The following HSPG2 variants were observed in gnomAD, a reference collection of about 807,000 sequenced individuals.
The protein encoded by HSPG2 is basement membrane-specific heparan sulfate proteoglycan core protein.
HSPG2 carries 278 observed loss-of-function variants against 526.6 expected under a neutral mutation model. The observed-to-expected ratio is 0.53, with a 90% CI of 0.48 to 0.58. The LOEUF (loss-of-function observed/expected upper bound fraction) is 0.58, where lower values mean the gene tolerates loss of function less well. HSPG2 is among the 20% of genes least tolerant of loss of function. The pLI is 0.00. For missense variants in HSPG2, 5,354 were observed against 6,099.5 expected, an observed-to-expected ratio of 0.88 and a Z score of 4.07; for synonymous variants, 2,465 against 2,555.4, an observed-to-expected ratio of 0.96 and a Z score of 1.07.
chr1:21,828,132 C>G lies in HSPG2; in HGVS notation c.12430G>C (p.Glu4144Gln), dbSNP rs1340918820. Residue 4144 changes from glutamate to glutamine, a missense_variant, in exon 90 of 97, where the codon GAG becomes CAG. Glu to Gln is a conservative substitution (Grantham distance 29). Coordinates refer to ENST00000374695, the MANE Select transcript of HSPG2 (RefSeq NM_005529.7). The surrounding 1 kb of genome is among the most constrained non-coding windows in gnomAD (Gnocchi z 6.0). ...GFKGDLCEHE[E>Q]NPCQLREPCL... ...GGTTCACGGAGCTGGCAGGGGTTCTCCTCGTGCTCACACAGGTCTCCTGTG... is the reference window on the plus strand; with the variant it reads ...GGTTCACGGAGCTGGCAGGGGTTCTGCTCGTGCTCACACAGGTCTCCTGTG... The G allele has an allele frequency of 6.2e-7, 1 of 1,613,030 alleles. No individual in the cohort carries two copies. Among genetic ancestry groups the G allele is most frequent in the Non-Finnish European group, 8.5e-7 (1 of 1,179,932 alleles).
At chr1:21,934,177 C>A (rs149506080) in intron 1 of HSPG2, among the ~76,000 whole-genome samples, 1 of 152,240 alleles carries the variant, frequency 6.6e-6, no homozygotes, top group Non-Finnish European at 1.5e-5. Flanking sequence ...TCCTGTCCCC[C>A]GTCCCGGGGA....
intron 75 of HSPG2, among the ~76,000 whole-genome samples, chr1:21,835,983 CAAAAAAA>C (rs71569851): frequency 1.5e-3 from 113 of 75,800 alleles, no homozygotes; most frequent in African/African-American, 4.6e-3. Flanking sequence ...GATTCCATCT[CAAAAAAA>C]AAAAAAAAAA....
In HSPG2 at chr1:21,889,901, T is replaced by A. The variant is rs760620535; in HGVS notation, c.574+80A>T. On this transcript the variant is annotated intron_variant, in intron 6 of 96. Coordinates refer to ENST00000374695, the MANE Select transcript of HSPG2 (RefSeq NM_005529.7). The stretch of plus-strand genomic sequence containing the variant: ...GTTTCTAGTGGTGTGCAAGCCCAAG[T>A]TGGGAGCCTATGGCAGAGACACTGA... 8 of 1,456,714 alleles carry A rather than the reference T, an allele frequency of 5.5e-6. 1 individual carries two copies. In the South Asian group the frequency reaches 9.1e-5, roughly 17 times the overall value. The allele number at this position is 1,456,714 out of a possible 1,614,324, so 90.2% of individuals were successfully genotyped here.
chr1:21,895,925 T>A lies in HSPG2; in HGVS notation c.241A>T (p.Met81Leu). Residue 81 changes from methionine to leucine, a missense_variant, in exon 3 of 97, where the codon ATG (methionine) becomes TTG (leucine). By Grantham distance (15) the Met-to-Leu change is conservative. Coordinates refer to ENST00000374695, the MANE Select transcript of HSPG2 (RefSeq NM_005529.7). This position sits in a 1 kb window ranked among gnomAD's most constrained non-coding sequence, Gnocchi z 4.1. ...SGDLGSGDFQ[M>L]VYFRALVNFT... ...CAGGAGGCCTGCAGCAACTTACCCATCTGGAAGTCCCCGCTGCCCAGGTCC... is the reference window on the plus strand; with the variant it reads ...CAGGAGGCCTGCAGCAACTTACCCAACTGGAAGTCCCCGCTGCCCAGGTCC... 4 of 1,614,002 alleles carry A rather than the reference T, an allele frequency of 2.5e-6. No homozygotes were observed. The South Asian group carries it at 4.4e-5, about 18-fold the overall frequency.
Position 21,920,154 on chromosome 1 carries a change from G to C in HSPG2, c.63+17001C>G, listed in dbSNP as rs61777226. ...ACTCCTGGCCTCGAGTGATCCGCCA[G>C]CCTTGGCCTCCCAAAGTGCTGGGAT... On this transcript the variant is annotated intron_variant, in intron 1 of 96. Transcript: ENST00000374695. 5.9e-5 allele frequency among the ~76,000 whole-genome samples: 9 copies of C among 152,328 alleles called. No individual in the cohort carries two copies. The South Asian group carries it at 1.5e-3, about 25-fold the overall frequency.
At chr1:21,846,378 C>G in intron 63 of HSPG2, 70 bp downstream of exon 63, 1 of 1,610,918 alleles carries the variant, frequency 6.2e-7, no homozygotes, top group Admixed American at 1.7e-5. Context: ...TCCTAGGTCT[C>G]CCTCTTGGCA....
chr1:21,841,813 A>T, intron 69 of HSPG2, 140 bp from the exon 70 acceptor site: 1 of 1,317,384 alleles, frequency 7.6e-7, no homozygotes, highest in South Asian at 1.2e-5. Flanking sequence ...CGCAGATAGC[A>T]GAAAGTAACA....
chr1:21,878,243 A>T lies in HSPG2; in HGVS notation c.2628T>A (p.Ile876=), dbSNP rs1307336739. ...GGKCRPVNQE[I]VRCDERGSMG... is the part of the protein sequence containing the mutation. ...TGCTGCCACGCTCGTCACAGCGCAC[A>T]ATCTCCTGGTCTGGGACACAAAACG... Residue 876 remains isoleucine (I), a synonymous_variant, in exon 21 of 97, where the codon ATT becomes ATA. Transcript: ENST00000374695. The T allele has an allele frequency of 1.2e-6, 2 of 1,613,996 alleles. No individual in the cohort carries two copies. Among genetic ancestry groups the T allele is most frequent in the Non-Finnish European group, 1.7e-6 (2 of 1,180,010 alleles).
rs201288550 is a variant in HSPG2 at position 21,888,042 on chromosome 1, G to A, written c.599C>T (p.Thr200Met). ...GCTGTGGCAGGCAAACTCGGCCTCC[G>A]TGCAGGCTCTTGGGAACTGGGGCAC... ...GTVPQFPRAC[T>M]EAEFACHSYN... Residue 200 changes from threonine (T) to methionine (M), a missense_variant, in exon 7 of 97, where the codon ACG (threonine) becomes ATG (methionine). Physicochemically the swap from Thr to Met is moderately conservative, Grantham distance 81. Coordinates refer to ENST00000374695, the MANE Select transcript of HSPG2 (RefSeq NM_005529.7). 122 of 1,614,104 alleles carry A rather than the reference G, an allele frequency of 7.6e-5. 1 individual carries two copies. In the South Asian group the frequency reaches 8.5e-4, roughly 11 times the overall value.
At chr1:21,933,824 T>G (rs1644411205) in intron 1 of HSPG2, among the ~76,000 whole-genome samples, 1 of 152,112 alleles carries the variant, frequency 6.6e-6, no homozygotes, top group African/African-American at 2.4e-5. Context: ...ACGGAACAAG[T>G]AGGCTAGTGT....
At chr1:21,902,485 A>G (rs1643155075) in intron 1 of HSPG2, among the ~76,000 whole-genome samples, 1 of 152,310 alleles carries the variant, frequency 6.6e-6, no homozygotes, top group Non-Finnish European at 1.5e-5. Flanking sequence ...AGGCACACTC[A>G]TTTGATAGAT....
chr1:21,842,195 G>A, intron 68 of HSPG2, 44 bp downstream of exon 68: 1 of 1,612,858 alleles, frequency 6.2e-7, no homozygotes, highest in Non-Finnish European at 8.5e-7. Context: ...CTTAGCTTCA[G>A]GGCCCTCCCT....
In HSPG2 at chr1:21,844,019, A is replaced by G. The variant is rs1638224255; in HGVS notation, c.8616+129T>C. 3 of 1,272,166 alleles carry G rather than the reference A, an allele frequency of 2.4e-6. No individual in the cohort carries two copies. In the South Asian group the frequency reaches 3.9e-5, roughly 17 times the overall value. 78.8% of individuals were successfully genotyped at this position (1,272,166 alleles called of 1,614,324 possible). A position where few individuals can be genotyped will look rare whatever the true frequency, so the allele number is the denominator to read the frequency against. On this transcript the variant is annotated intron_variant, in intron 65 of 96. Transcript: ENST00000374695. ...TGCCCAGCCCGCTCTCAACTTCCTGATTCCATTGACCTCCTGCTGCCATTT... is the reference window on the plus strand; with the variant it reads ...TGCCCAGCCCGCTCTCAACTTCCTGGTTCCATTGACCTCCTGCTGCCATTT...
rs144511257 is a variant in HSPG2 at position 21,890,602 on chromosome 1, C to T, written c.337G>A (p.Glu113Lys). 4.5e-4 allele frequency: 723 copies of T among 1,613,472 alleles called. No individual in the cohort carries two copies. Among genetic ancestry groups the T allele is most frequent in the Middle Eastern group, 1.8e-3 (11 of 6,062 alleles). The part of the protein sequence containing the change: ...AGSREFREVS[E>K]AVVDTLESEY... ...CACCTCACCGTGTCTACCACAGCCT[C>T]GGACACCTCTCGGAACTCTCTGGAG... is the stretch of plus-strand genomic sequence containing the variant. The change falls in exon 4 of 97, where the codon GAG (glutamate) becomes AAG (lysine). Residue 113 changes from glutamate to lysine, a missense_variant. Physicochemically the swap from Glu to Lys is moderately conservative, Grantham distance 56 (BLOSUM62 1). Transcript: ENST00000374695. The surrounding 1 kb of genome is among the most constrained non-coding windows in gnomAD (Gnocchi z 4.1).
chr1:21,824,246 C>G lies in HSPG2; in HGVS notation c.12816-42G>C. 1 of 1,613,158 alleles carries G rather than the reference C, an allele frequency of 6.2e-7. No homozygotes were observed. Among genetic ancestry groups the G allele is most frequent in the Non-Finnish European group, 8.5e-7 (1 of 1,179,434 alleles). The stretch of plus-strand genomic sequence containing the variant: ...CCAAGAAGTATGAGCTGGGGCAGGA[C>G]CGGGGGGTGGGGTGCTGGGACCAGG... On this transcript the variant is annotated intron_variant, in intron 94 of 96. Transcript: ENST00000374695. This position sits in a 1 kb window ranked among gnomAD's most constrained non-coding sequence, Gnocchi z 5.9.
rs748048765 is a variant in HSPG2, at chr1:21,861,975, CTAGGG to C, written c.4868+8_4868+12del. On this transcript the variant is annotated splice_region_variant and intron_variant, in intron 38 of 96. Transcript: ENST00000374695. ...TGGAAGTGTGTCCTTGGGCCTTGAG[CTAGGG>C]TACCCACATGTTCTCTGGGTTGGTC... 6.2e-7 allele frequency: 1 copy of C among 1,614,224 alleles called. No homozygotes were observed. The highest frequency in any genetic ancestry group is 8.5e-7 in the Non-Finnish European group (1 of 1,180,034).
chr1:21,865,279 C>T lies in HSPG2; in HGVS notation c.4395+6G>A, dbSNP rs1186733960. 1.2e-6 allele frequency: 2 copies of T among 1,613,866 alleles called. No homozygotes were observed. The highest frequency in any genetic ancestry group is 1.7e-5 in the Admixed American group (1 of 60,010). ...GTTAGACACAGCATGGCCAGGTGCCCCTTACCTCTCGGAACATGATCTCGT... is the reference window on the plus strand; with the variant it reads ...GTTAGACACAGCATGGCCAGGTGCCTCTTACCTCTCGGAACATGATCTCGT... On this transcript the variant is annotated splice_donor_region_variant and intron_variant, in intron 35 of 96. Coordinates refer to ENST00000374695, the MANE Select transcript of HSPG2 (RefSeq NM_005529.7). The surrounding 1 kb of genome is among the most constrained non-coding windows in gnomAD (Gnocchi z 5.4).
intron 91 of HSPG2, among the ~76,000 whole-genome samples, chr1:21,825,497 G>A (rs1220647330): frequency 1.3e-5 from 2 of 152,150 alleles, no homozygotes; most frequent in East Asian, 1.9e-4. Context: ...AGGCTTGGGC[G>A]AGTGACTGGC....
At chr1:21,873,863 C>A in intron 29 of HSPG2, 62 bp downstream of exon 29, 3 of 1,427,316 alleles carry the variant, frequency 2.1e-6, no homozygotes, top group South Asian at 1.3e-5. Context: ...CTGGGCCCTG[C>A]CTGAGGATTC....
Sources: gnomAD v4.1 joint callset for allele counts (sites outside exome capture counted in the v4.1 genomes callset) on GRCh38, gnomAD v4.1.1 for gene constraint, Gnocchi (gnomAD v3.1) non-coding constraint, MANE v1.5 for transcripts, NCBI Gene and HGNC (gene_info 2026-07-23, HGNC 2026-07-21) for gene names.